FAM199X: variants seen among roughly 807,000 people sequenced by gnomAD.
FAM199X encodes the protein protein FAM199X.
FAM199X carries 4 observed loss-of-function variants against 22.9 expected under a neutral mutation model. The ratio of observed to expected loss-of-function variants is 0.17; its 90% CI spans 0.09 to 0.40. The LOEUF (loss-of-function observed/expected upper bound fraction) is 0.40, where lower values mean the gene tolerates loss of function less well. FAM199X is among the 10% of genes least tolerant of loss of function. The pLI is 1.00. For missense variants in FAM199X, 183 were observed against 306.8 expected, an observed-to-expected ratio of 0.60 and a Z score of 3.01; for synonymous variants, 101 against 112.3, an observed-to-expected ratio of 0.90 and a Z score of 0.64.
rs896033194 is a variant in FAM199X at position 104,189,981 on chromosome X, C to T, written c.*203C>T. The stretch of plus-strand genomic sequence containing the variant: ...GTTAGGAATGCATACTAGTGGGCCC[C>T]GCCCCCAGACATAGTGAATCAGAAA... On this transcript the variant is annotated 3_prime_UTR_variant, in exon 6 of 6. Transcript: ENST00000493442. The T allele has an allele frequency of 1.0e-5, 4 of 384,330 alleles. No homozygotes were observed. Among genetic ancestry groups the T allele is most frequent in the East Asian group, 4.4e-5 (1 of 22,699 alleles). The allele number at this position is 384,330 out of a possible 1,213,427, so 31.7% of individuals were successfully genotyped here.
At chrX:104,170,857 A>C (rs1424742008) in intron 1 of FAM199X, among the ~76,000 whole-genome samples, 1 of 111,659 alleles carries the variant, frequency 9.0e-6, no homozygotes, top group African/African-American at 3.3e-5. Context: ...AGTGGGTAGA[A>C]GAAGGGGTTG....
chrX:104,159,954 G>A, the FAM199X span, among the ~76,000 whole-genome samples: 2 of 112,242 alleles, frequency 1.8e-5, no homozygotes, highest in Non-Finnish European at 3.8e-5. Context: ...GCTAGAGCTT[G>A]TTTCCAGCGA....
chrX:104,160,842 C>A, the FAM199X span, among the ~76,000 whole-genome samples: 1 of 111,265 alleles, frequency 9.0e-6, no homozygotes, highest in African/African-American at 3.3e-5. Flanking sequence ...AAACATCTAG[C>A]ATCTCCTCCA....
chrX:104,178,827 C>T (rs1285847327), intron 2 of FAM199X, among the ~76,000 whole-genome samples: 2 of 111,679 alleles, frequency 1.8e-5, no homozygotes, highest in Non-Finnish European at 3.8e-5. Context: ...TGTTAGTTCT[C>T]CCACTTTGCT....
the FAM199X span, among the ~76,000 whole-genome samples, chrX:104,161,228 TG>T: frequency 8.9e-6 from 1 of 112,130 alleles, no homozygotes; most frequent in Non-Finnish European, 1.9e-5. Flanking sequence ...CATACTGATC[TG>T]AGAAATGTTG....
Position 104,188,299 on chromosome X carries a change from A to G in FAM199X, c.989A>G (p.Asp330Gly). ...GCAAGTGCAGCAGAGCGGATTCGGG[A>G]TTCAAAAGTAAAACGTCTAATCAAT... ...LSASAAERIR[D>G]SKKRSKQRKL... is the part of the protein sequence containing the mutation. Residue 330 changes from aspartate to glycine, a missense_variant, in exon 5 of 6, where the codon GAT becomes GGT. Asp to Gly is a moderately conservative substitution (Grantham distance 94). Transcript: ENST00000493442. 2 of 1,211,645 alleles carry G rather than the reference A, an allele frequency of 1.7e-6. No homozygotes were observed. The highest frequency in any genetic ancestry group is 2.2e-6 in the Non-Finnish European group (2 of 895,261).
chrX:104,157,546 A>G, the FAM199X span, among the ~76,000 whole-genome samples: 4 of 112,174 alleles, frequency 3.6e-5, no homozygotes, highest in African/African-American at 1.3e-4. Flanking sequence ...GTATAATAAT[A>G]GTACTTACCT....
chrX:104,186,309 A>T, intron 3 of FAM199X, 94 bp downstream of exon 3: 1 of 1,094,003 alleles, frequency 9.1e-7, no homozygotes, highest in Non-Finnish European at 1.2e-6. Context: ...GGAAATGTGG[A>T]TTGCTTAGTA....
rs1921905939 is a variant in FAM199X, at chrX:104,190,286, T to C, written c.*508T>C. ...TTAGTTTACTTTTCCTAAAGGGCCA[T>C]AGCATAATTCTTGATTCCTGGTGGA... On this transcript the variant is annotated 3_prime_UTR_variant, in exon 6 of 6. Transcript: ENST00000493442. The C allele has an allele frequency of 8.9e-6, 1 of 112,675 alleles. No individual in the cohort carries two copies. Among genetic ancestry groups the C allele is most frequent in the African/African-American group, 3.2e-5 (1 of 30,796 alleles). The allele number at this position is 112,675 out of a possible 1,213,427, so 9.3% of individuals were successfully genotyped here.
At chrX:104,158,589 T>C in the FAM199X span, among the ~76,000 whole-genome samples, 3 of 112,287 alleles carry the variant, frequency 2.7e-5, no homozygotes, top group Non-Finnish European at 5.6e-5. Flanking sequence ...TGCCTCAGCC[T>C]GGAGAGAACA....
At chrX:104,157,680 C>T in the FAM199X span, among the ~76,000 whole-genome samples, 2 of 111,786 alleles carry the variant, frequency 1.8e-5, no homozygotes, top group African/African-American at 6.5e-5. Context: ...TCACCTAAGA[C>T]CTCTGGCTAA....
In FAM199X at chrX:104,191,589, A is replaced by G. The variant is rs1921941028; in HGVS notation, c.*1811A>G. The G allele has an allele frequency of 9.0e-6, 1 of 111,213 alleles. No individual in the cohort carries two copies. The highest frequency in any genetic ancestry group is 9.6e-5 in the Admixed American group (1 of 10,444). 9.2% of individuals were successfully genotyped at this position (111,213 alleles called of 1,213,427 possible). ...AACCTCACTGTTTTCCCTTCCAAGT[A>G]TAGGAAGAGCAAATAGAGCATAGTA... On this transcript the variant is annotated 3_prime_UTR_variant, in exon 6 of 6. Coordinates refer to ENST00000493442, the MANE Select transcript of FAM199X (RefSeq NM_207318.4).
intron 1 of FAM199X, among the ~76,000 whole-genome samples, chrX:104,169,019 G>A (rs1047406456): frequency 1.8e-5 from 2 of 110,565 alleles, no homozygotes; most frequent in Non-Finnish European, 3.8e-5. Flanking sequence ...AGCACATGAT[G>A]TTTCTGTCCT....
intron 2 of FAM199X, among the ~76,000 whole-genome samples, chrX:104,183,064 C>G (rs1921703878): frequency 9.0e-6 from 1 of 111,094 alleles, no homozygotes; most frequent in Non-Finnish European, 1.9e-5. Flanking sequence ...ACACCCCTCC[C>G]TCCCCAACAA....
chrX:104,169,709 A>T (rs1021699237), intron 1 of FAM199X, among the ~76,000 whole-genome samples: 2 of 111,799 alleles, frequency 1.8e-5, no homozygotes, highest in Non-Finnish European at 3.8e-5. Flanking sequence ...CTGGGACTAT[A>T]GGCGTGTACC....
chrX:104,159,640 T>C, the FAM199X span, among the ~76,000 whole-genome samples: 1 of 112,389 alleles, frequency 8.9e-6, no homozygotes, highest in East Asian at 2.8e-4. Flanking sequence ...ACAGTGTTTC[T>C]ATACCATAGT....
At chrX:104,167,666 C>T (rs1240065206) in intron 1 of FAM199X, among the ~76,000 whole-genome samples, 1 of 110,939 alleles carries the variant, frequency 9.0e-6, no homozygotes, top group Non-Finnish European at 1.9e-5. Flanking sequence ...CCCTTGGTTT[C>T]CTTCCCCTTT....
rs1334576483 is a variant in FAM199X at position 104,191,979 on chromosome X, G to A, written c.*2201G>A. 3 of 111,814 alleles carry A rather than the reference G, an allele frequency of 2.7e-5. No individual in the cohort carries two copies. Among genetic ancestry groups the A allele is most frequent in the African/African-American group, 6.5e-5 (2 of 30,859 alleles). The allele number at this position is 111,814 out of a possible 1,213,427, so 9.2% of individuals were successfully genotyped here. Reference sequence around the variant, plus strand: ...CATGAAATTTTGTGTAAATCCAGATGAACTGTCATTATAGTACTATAAATT... The same window carrying A: ...CATGAAATTTTGTGTAAATCCAGATAAACTGTCATTATAGTACTATAAATT... On this transcript the variant is annotated 3_prime_UTR_variant, in exon 6 of 6. Transcript: ENST00000493442.
chrX:104,184,881 A>G (rs1921755356), intron 2 of FAM199X, among the ~76,000 whole-genome samples: 1 of 108,591 alleles, frequency 9.2e-6, no homozygotes, highest in African/African-American at 3.3e-5. Context: ...CCCAGGTTCA[A>G]GCGATCCTTA....
Sources: gnomAD v4.1 joint callset for allele counts (sites outside exome capture counted in the v4.1 genomes callset) on GRCh38, gnomAD v4.1.1 for gene constraint, MANE v1.5 for transcripts, NCBI Gene and HGNC (gene_info 2026-07-23, HGNC 2026-07-21) for gene names.